The following TIMM23B variants were observed in gnomAD, a reference collection of about 807,000 sequenced individuals.
TIMM23B encodes the protein translocase of inner mitochondrial membrane 23 homolog B, also known as mitochondrial import inner membrane translocase subunit Tim23B.
Under a neutral mutation model 27.3 loss-of-function variants are expected in TIMM23B, and 27 were observed. That is an observed-to-expected ratio of 0.99 (90% CI 0.73 to 1.36). The LOEUF (loss-of-function observed/expected upper bound fraction) is 1.36. TIMM23B is among the 40% of genes most tolerant of loss of function. TIMM23B has a pLI of 0.00. For missense variants in TIMM23B, 205 were observed against 244.2 expected (o/e 0.84, Z 1.07); for synonymous variants, 73 against 92.4 (o/e 0.79, Z 1.21).
At chr10:49,972,594 A>C (rs1554856793) in intron 6 of TIMM23B, among the ~76,000 whole-genome samples, 1 of 151,670 alleles carries the variant, frequency 6.6e-6, no homozygotes, top group African/African-American at 2.4e-5. Flanking sequence ...AGAAGTAGTT[A>C]CTTACACCTG....
chr10:49,952,025 T>C, intron 2 of TIMM23B, 101 bp from the exon 3 acceptor site: 1 of 860,524 alleles, frequency 1.2e-6, no homozygotes, highest in Non-Finnish European at 1.8e-6. Context: ...TAATTTAAGG[T>C]TTATTTTCTG....
At chr10:49,952,677 A>G in intron 4 of TIMM23B, 144 bp downstream of exon 4, 1 of 998,690 alleles carries the variant, frequency 1.0e-6, no homozygotes, top group Non-Finnish European at 1.4e-6. Flanking sequence ...TAATCAAAAT[A>G]AAAGCAACTA....
intron 4 of TIMM23B, among the ~76,000 whole-genome samples, chr10:49,953,869 C>G (rs1236832075): frequency 1.4e-4 from 21 of 152,226 alleles, no homozygotes; most frequent in Non-Finnish European, 2.1e-4. Flanking sequence ...CAGTTCTATC[C>G]CATCTCCCTC....
intron 6 of TIMM23B, among the ~76,000 whole-genome samples, chr10:49,966,387 GA>G (rs1446865002): frequency 7.2e-6 from 1 of 139,480 alleles, no homozygotes; most frequent in African/African-American, 2.8e-5. Flanking sequence ...ATGAAGAAAT[GA>G]AATAATGAAA....
intron 6 of TIMM23B, among the ~76,000 whole-genome samples, chr10:49,959,631 C>G (rs1303641742): frequency 1.3e-5 from 2 of 152,136 alleles, no homozygotes; most frequent in Admixed American, 1.3e-4. Context: ...AATCCACATA[C>G]TTGATTTTTT....
intron 6 of TIMM23B, among the ~76,000 whole-genome samples, chr10:49,966,013 G>A (rs577557057): frequency 1.3e-5 from 2 of 150,248 alleles, no homozygotes; most frequent in African/African-American, 4.9e-5. Context: ...AATGCCAGAT[G>A]CAGTGGCGCA....
intron 6 of TIMM23B, among the ~76,000 whole-genome samples, chr10:49,960,647 T>C (rs1466493123): frequency 7.3e-5 from 11 of 150,538 alleles, no homozygotes; most frequent in African/African-American, 2.2e-4. Flanking sequence ...CTCTGTCATG[T>C]TCTAGTGCAT....
intron 1 of TIMM23B, among the ~76,000 whole-genome samples, chr10:49,944,100 A>G (rs1839278950): frequency 6.6e-6 from 1 of 152,218 alleles, no homozygotes. Context: ...GGATCAATTG[A>G]AGCTTGTGAA....
intron 2 of TIMM23B, among the ~76,000 whole-genome samples, chr10:49,949,163 G>T (rs1457422956): frequency 0.017 from 2,492 of 145,158 alleles, 31 homozygotes; most frequent in African/African-American, 0.032. Flanking sequence ...CTCCCAAAGT[G>T]CTGGAATTAC....
chr10:49,962,422 C>T (rs1839951435), intron 6 of TIMM23B, among the ~76,000 whole-genome samples: 3 of 152,064 alleles, frequency 2.0e-5, no homozygotes, highest in Non-Finnish European at 2.9e-5. Context: ...AGGATGTTCT[C>T]GATCCCCTGA....
intron 1 of TIMM23B, among the ~76,000 whole-genome samples, chr10:49,942,775 A>C (rs1305744362): frequency 2.6e-5 from 4 of 151,912 alleles, no homozygotes; most frequent in African/African-American, 9.7e-5. Flanking sequence ...CAGGCTAGGA[A>C]ACCTTCTTTA....
At chr10:49,949,887 G>A (rs1403927609) in intron 2 of TIMM23B, among the ~76,000 whole-genome samples, 4 of 150,408 alleles carry the variant, frequency 2.7e-5, no homozygotes, top group African/African-American at 9.8e-5. Context: ...GTCTCACTGT[G>A]TTGTCCAGGC....
At chr10:49,945,731 T>C (rs1839335709) in intron 2 of TIMM23B, among the ~76,000 whole-genome samples, 2 of 152,218 alleles carry the variant, frequency 1.3e-5, no homozygotes, top group African/African-American at 4.8e-5. Context: ...ATCTTGGGTA[T>C]ATTAGAAAAG....
rs1839434195 is a variant in TIMM23B at position 49,948,875 on chromosome 10, C to T, written c.166-3251C>T. Among the ~76,000 whole-genome samples the T allele has an allele frequency of 2.0e-5, 3 of 152,080 alleles. No individual in the cohort carries two copies. In the South Asian group the frequency reaches 6.2e-4, roughly 31 times the overall value. On this transcript the variant is annotated intron_variant, in intron 2 of 6. Coordinates refer to ENST00000651259, the MANE Select transcript of TIMM23B (RefSeq NM_001290117.2). The stretch of plus-strand genomic sequence containing the variant: ...TGGTACATGAGATACATATCAGTAA[C>T]TCCATTTTCTCTCTCTCTTTTTTTT...
At position 49,972,296 on chromosome 10, in the gene TIMM23B, G is replaced by A. The variant is rs540057910; in HGVS notation, c.515-716G>A. 1.1e-3 allele frequency among the ~76,000 whole-genome samples: 160 copies of A among 152,248 alleles called. 3 individuals carry two copies. The highest frequency in any genetic ancestry group is 1.2e-3 in the Non-Finnish European group (82 of 68,028). On this transcript the variant is annotated intron_variant, in intron 6 of 6. Transcript: ENST00000651259. ...TTTACATTCGGCACTTTAGGACAGC[G>A]TGAGTCACAGGTTGCACTAGAAGTT...
intron 4 of TIMM23B, among the ~76,000 whole-genome samples, chr10:49,953,860 A>G (rs1354122910): frequency 1.3e-5 from 2 of 152,220 alleles, no homozygotes; most frequent in Non-Finnish European, 2.9e-5. Flanking sequence ...AACCATGGCC[A>G]GTTCTATCCC....
intron 6 of TIMM23B, among the ~76,000 whole-genome samples, chr10:49,961,943 GTT>G (rs1235775534): frequency 6.7e-6 from 1 of 149,116 alleles, no homozygotes; most frequent in African/African-American, 2.5e-5. Context: ...TTTTAGGAGA[GTT>G]TTTTTGCCAC....
In TIMM23B at chr10:49,955,038, G is replaced by A. The variant is rs1268847730; in HGVS notation, c.381G>A (p.Trp127Ter). ...LNMVTRQGAL[W>*]ANTLGSLALL... ...TGGTGACTAGGCAAGGGGCACTTTG[G>A]GCTAATACTCTAGGTTCTCTGGGTA... The change falls in exon 5 of 7, where the codon TGG becomes TGA. Residue 127 changes from tryptophan (W) to a stop codon, truncating the protein, a stop_gained. Coordinates refer to ENST00000651259, the MANE Select transcript of TIMM23B (RefSeq NM_001290117.2). LOFTEE classifies it high-confidence loss of function. 2.4e-5 allele frequency: 38 copies of A among 1,612,784 alleles called. No homozygotes were observed. The East Asian group carries it at 2.9e-4, about 12-fold the overall frequency.
chr10:49,961,163 C>A (rs1402166585), intron 6 of TIMM23B, among the ~76,000 whole-genome samples: 6 of 150,190 alleles, frequency 4.0e-5, no homozygotes, highest in Non-Finnish European at 5.9e-5. Context: ...GCGGGTGGAT[C>A]CCCTGAGGTC....
Sources: gnomAD v4.1 joint callset for allele counts (sites outside exome capture counted in the v4.1 genomes callset) on GRCh38, gnomAD v4.1.1 for gene constraint, MANE v1.5 for transcripts, NCBI Gene and HGNC (gene_info 2026-07-23, HGNC 2026-07-21) for gene names.